FBXL13: variants seen among roughly 807,000 people sequenced by gnomAD.
FBXL13 encodes F-box and leucine-rich repeat protein 13.
FBXL13 carries 67 observed loss-of-function variants against 83.6 expected under a neutral mutation model. The ratio of observed to expected loss-of-function variants is 0.80; its 90% confidence interval spans 0.66 to 0.98. The LOEUF (loss-of-function observed/expected upper bound fraction) is 0.98. Among genes scored for constraint, FBXL13 ranks in the 50% least tolerant of loss-of-function variants. The pLI, the probability that FBXL13 is intolerant of heterozygous loss-of-function variation, is 0.00. For missense variants in FBXL13, 822 were observed against 866.5 expected, an observed-to-expected ratio of 0.95 and a Z score of 0.64; for synonymous variants, 272 against 299.5, an observed-to-expected ratio of 0.91 and a Z score of 0.95.
intron 6 of FBXL13, among the ~76,000 whole-genome samples, chr7:103,020,018 C>CA (rs1452840755): frequency 1.3e-5 from 2 of 152,042 alleles, no homozygotes; most frequent in East Asian, 1.9e-4. Context: ...AGAGACACAA[C>CA]AAAAAAAGAG....
chr7:103,055,449 C>T (rs769005698), intron 2 of FBXL13, among the ~76,000 whole-genome samples, 195 bp downstream of exon 2: 3 of 152,050 alleles, frequency 2.0e-5, no homozygotes, highest in African/African-American at 4.8e-5. Context: ...AAGAATACAC[C>T]GTATTTCTCA....
At chr7:102,945,145 C>T (rs527737717) in intron 8 of FBXL13, among the ~76,000 whole-genome samples, 6 of 152,292 alleles carry the variant, frequency 3.9e-5, no homozygotes, top group African/African-American at 1.4e-4. Context: ...CTCAACCACT[C>T]TTCACTGATC....
chr7:102,992,483 G>C (rs1829683364), intron 6 of FBXL13, among the ~76,000 whole-genome samples: 1 of 151,982 alleles, frequency 6.6e-6, no homozygotes, highest in Non-Finnish European at 1.5e-5. Context: ...CTCTTACTGG[G>C]GTATAGTTTT....
At chr7:103,002,160 TTGAGTG>T (rs1429677616) in intron 6 of FBXL13, among the ~76,000 whole-genome samples, 1 of 152,160 alleles carries the variant, frequency 6.6e-6, no homozygotes, top group African/African-American at 2.4e-5. Context: ...GCTCTTTATT[TTGAGTG>T]TATCTATTAC....
chr7:103,027,373 C>T lies in FBXL13; in HGVS notation c.327+76G>A, dbSNP rs948905398. The T allele has an allele frequency of 4.4e-5, 40 of 899,272 alleles. No homozygotes were observed. The Middle Eastern group carries it at 6.7e-4, about 15-fold the overall frequency. The allele number at this position is 899,272 out of a possible 1,614,324, so 55.7% of individuals were successfully genotyped here. On this transcript the variant is annotated intron_variant, in intron 5 of 19. Transcript: ENST00000313221. The stretch of plus-strand genomic sequence containing the variant: ...TCAGGATTTTAGTATTTTCCACACA[C>T]GGCATTACTATTTGAGGCAACATGA...
intron 16 of FBXL13, among the ~76,000 whole-genome samples, chr7:102,870,262 T>C (rs1039344620): frequency 9.2e-5 from 14 of 152,280 alleles, no homozygotes; most frequent in African/African-American, 2.9e-4. Context: ...ATACAGCACA[T>C]TAGGAACTCA....
intron 17 of FBXL13, among the ~76,000 whole-genome samples, chr7:102,834,094 G>GAA (rs1248137728): frequency 1.5e-4 from 13 of 86,700 alleles, no homozygotes; most frequent in African/African-American, 7.1e-4. Context: ...AGAAAAGAAA[G>GAA]AAAGAAAGAA....
intron 11 of FBXL13, among the ~76,000 whole-genome samples, chr7:102,900,142 A>T (rs937352622): frequency 3.3e-5 from 5 of 152,250 alleles, no homozygotes; most frequent in African/African-American, 1.2e-4. Context: ...GCAGCTCTTC[A>T]TCATCATTTA....
intron 1 of FBXL13, among the ~76,000 whole-genome samples, chr7:103,059,103 C>G (rs143985105): frequency 2.6e-5 from 4 of 152,058 alleles, no homozygotes. Flanking sequence ...CTAAAAAATA[C>G]AAAAATTGTT....
At chr7:102,909,731 C>T (rs985445695) in intron 11 of FBXL13, among the ~76,000 whole-genome samples, 2 of 152,180 alleles carry the variant, frequency 1.3e-5, no homozygotes, top group African/African-American at 4.8e-5. Context: ...AACTGGTGCC[C>T]TATCCTGCCG....
chr7:102,823,882 ACT>A (rs1799174295), intron 18 of FBXL13, among the ~76,000 whole-genome samples: 1 of 151,956 alleles, frequency 6.6e-6, no homozygotes. Context: ...ATTATAACTG[ACT>A]CTCACAAAAA....
chr7:103,028,600 TTTTAAG>T (rs766721041), exon 4 of FBXL13: 2 of 1,564,442 alleles, frequency 1.3e-6, no homozygotes, highest in African/African-American at 1.4e-5. Context: ...AAGAATTTAC[TTTTAAG>T]TTTTTCTTTC....
chr7:102,870,490 T>C (rs1031873456), intron 16 of FBXL13, among the ~76,000 whole-genome samples: 3 of 152,204 alleles, frequency 2.0e-5, no homozygotes, highest in Non-Finnish European at 2.9e-5. Context: ...TATTAACTTA[T>C]GTCAAGATGC....
In FBXL13 at chr7:102,931,157, T is replaced by A. The variant is rs2129472976; in HGVS notation, c.777+724A>T. On this transcript the variant is annotated intron_variant, in intron 9 of 19. Transcript: ENST00000313221. ...CACTTGGGGACAAAGGGAAAGGGCA[T>A]TTTAAGCAAAGAGCAAATGCACAAC... Among the ~76,000 whole-genome samples, 2 of 152,284 alleles carry A rather than the reference T, an allele frequency of 1.3e-5. 1 individual carries two copies. The highest frequency in any genetic ancestry group is 4.1e-4 in the South Asian group (2 of 4,826).
intron 1 of FBXL13, among the ~76,000 whole-genome samples, chr7:103,057,843 T>A (rs1330757107): frequency 6.6e-6 from 1 of 152,196 alleles, no homozygotes; most frequent in African/African-American, 2.4e-5. Context: ...GAATTCTCCA[T>A]CGGCATTTCT....
chr7:102,992,806 C>T (rs1829717564), intron 6 of FBXL13, among the ~76,000 whole-genome samples: 1 of 152,206 alleles, frequency 6.6e-6, no homozygotes, highest in African/African-American at 2.4e-5. Flanking sequence ...ACAGTTTTGC[C>T]ATGTTGCTCA....
intron 2 of FBXL13, among the ~76,000 whole-genome samples, chr7:103,053,057 G>A (rs1010565677): frequency 1.3e-5 from 2 of 150,436 alleles, no homozygotes; most frequent in African/African-American, 2.4e-5. Flanking sequence ...GCGCCCAGCC[G>A]ACAATTCCTT....
chr7:103,067,340 C>T (rs1798500418), intron 1 of FBXL13, among the ~76,000 whole-genome samples: 1 of 151,976 alleles, frequency 6.6e-6, no homozygotes, highest in South Asian at 2.1e-4. Flanking sequence ...TGAAAGTGAT[C>T]ATAATGATGG....
At chr7:102,822,150 A>G (rs1798884242) in exon 19 of FBXL13, 1 of 1,614,106 alleles carries the variant, frequency 6.2e-7, no homozygotes, top group Non-Finnish European at 8.5e-7. Context: ...AGATATCCAA[A>G]ATGTGCAGGT....
Sources: gnomAD v4.1 joint callset for allele counts (sites outside exome capture counted in the v4.1 genomes callset) on GRCh38, gnomAD v4.1.1 for gene constraint, MANE v1.5 for transcripts, NCBI Gene and HGNC (gene_info 2026-07-23, HGNC 2026-07-21) for gene names.